Variants in MCTP2 observed in about 807,000 individuals in gnomAD.
MCTP2 encodes multiple C2 and transmembrane domain-containing protein 2.
Under a neutral mutation model 111.6 loss-of-function variants are expected in MCTP2, and 132 were observed. That is an observed-to-expected ratio of 1.18 (90% CI 1.03 to 1.37). The LOEUF is 1.37. Among genes scored for constraint, MCTP2 ranks in the 40% most tolerant of loss-of-function variants. The pLI is 0.00. For missense variants in MCTP2, 1,183 were observed against 1,067.9 expected (o/e 1.11, Z -1.50); for synonymous variants, 395 against 387.7 (o/e 1.02, Z -0.22).
At chr15:94,383,994 T>G (rs773132826) in intron 12 of MCTP2, 28 bp from the exon 13 acceptor site, 87 of 1,500,842 alleles carry the variant, frequency 5.8e-5, no homozygotes, top group African/African-American at 8.2e-5. Context: ...TCACTTGTCT[T>G]TGACCGATGT....
At chr15:94,478,720 C>T (rs1051962725) in intron 22 of MCTP2, among the ~76,000 whole-genome samples, 13 of 152,160 alleles carry the variant, frequency 8.5e-5, no homozygotes, top group Non-Finnish European at 1.2e-4. Flanking sequence ...CAGTGCCCAG[C>T]GAAGGTAGAA....
chr15:94,302,765 C>T (rs2075683428), intron 2 of MCTP2, among the ~76,000 whole-genome samples: 1 of 152,188 alleles, frequency 6.6e-6, no homozygotes, highest in African/African-American at 2.4e-5. Context: ...CTCTTACTTT[C>T]CCTGCTTTTC....
intron 1 of MCTP2, among the ~76,000 whole-genome samples, chr15:94,245,248 A>G (rs1366995591): frequency 1.4e-5 from 2 of 141,496 alleles, no homozygotes; most frequent in African/African-American, 5.1e-5. Context: ...ATATATACAC[A>G]TATGTATATA....
chr15:94,391,383 A>G (rs1053942102), intron 14 of MCTP2, among the ~76,000 whole-genome samples: 1 of 152,204 alleles, frequency 6.6e-6, no homozygotes, highest in African/African-American at 2.4e-5. Flanking sequence ...TGCCCATTAA[A>G]GTAAATAATA....
chr15:94,350,152 G>T (rs2078226377), intron 8 of MCTP2, among the ~76,000 whole-genome samples: 2 of 152,224 alleles, frequency 1.3e-5, no homozygotes, highest in Non-Finnish European at 2.9e-5. Flanking sequence ...AAAGAAAGAT[G>T]CTGGGAACTG....
rs531676885 is a variant in MCTP2 at position 94,445,260 on chromosome 15, C to T, written c.2250+2300C>T. Reference sequence around the variant, plus strand: ...GCATTAGGGTTCTCCTCCTTCCCTCCAGAGAAAGTTTATTCTTAACATGTT... The same window carrying T: ...GCATTAGGGTTCTCCTCCTTCCCTCTAGAGAAAGTTTATTCTTAACATGTT... On this transcript the variant is annotated intron_variant, in intron 19 of 22. Coordinates refer to ENST00000357742, the MANE Select transcript of MCTP2 (RefSeq NM_001385001.1). Among the ~76,000 whole-genome samples, 5 of 152,290 alleles carry T rather than the reference C, an allele frequency of 3.3e-5. No homozygotes were observed. The South Asian group carries it at 1.0e-3, about 32-fold the overall frequency.
At chr15:94,268,180 C>CT (rs371485797) in intron 1 of MCTP2, among the ~76,000 whole-genome samples, 49,660 of 133,520 alleles carry the variant, frequency 0.37, 10,179 homozygotes, top group Admixed American at 0.46. Context: ...TTCATTCTTT[C>CT]TTTCTTTTTT....
chr15:94,384,232 G>GT (rs201208374), intron 13 of MCTP2, 108 bp downstream of exon 13: 4 of 689,402 alleles, frequency 5.8e-6, no homozygotes, highest in South Asian at 3.8e-5. Flanking sequence ...AAATTTTATT[G>GT]TTTTTTTCTT....
At chr15:94,383,883 G>A (rs1596534962) in intron 12 of MCTP2, 139 bp from the exon 13 acceptor site, 1 of 630,204 alleles carries the variant, frequency 1.6e-6, no homozygotes, top group South Asian at 2.0e-5. Context: ...TTCCCACACA[G>A]GGCCTCCATG....
chr15:94,249,573 C>T (rs566499787), intron 1 of MCTP2, among the ~76,000 whole-genome samples: 2 of 152,054 alleles, frequency 1.3e-5, no homozygotes, highest in African/African-American at 4.8e-5. Context: ...GCAACCTCCG[C>T]CTCCTGGGTT....
At chr15:94,404,502 A>G (rs952083673) in intron 17 of MCTP2, among the ~76,000 whole-genome samples, 1 of 151,936 alleles carries the variant, frequency 6.6e-6, no homozygotes. Context: ...GGGTTTCGTC[A>G]TATTGGCCAG....
intron 7 of MCTP2, 49 bp from the exon 8 acceptor site, chr15:94,345,080 C>T (rs1596417798): frequency 6.3e-7 from 1 of 1,599,570 alleles, no homozygotes; most frequent in Non-Finnish European, 8.6e-7. Context: ...TTCTATCTTC[C>T]TCTGTTTTAT....
chr15:94,427,692 A>G (rs1479998452), intron 17 of MCTP2, among the ~76,000 whole-genome samples: 1 of 152,184 alleles, frequency 6.6e-6, no homozygotes, highest in African/African-American at 2.4e-5. Flanking sequence ...CAACAAGGAA[A>G]CAAACAAATA....
At chr15:94,451,863 CA>C (rs951733331) in intron 19 of MCTP2, among the ~76,000 whole-genome samples, 4 of 152,148 alleles carry the variant, frequency 2.6e-5, no homozygotes, top group Non-Finnish European at 4.4e-5. Context: ...TTAAACTAGA[CA>C]AAAGGTTGTT....
chr15:94,242,411 T>A (rs1394868585), intron 1 of MCTP2, among the ~76,000 whole-genome samples: 5 of 152,144 alleles, frequency 3.3e-5, no homozygotes, highest in Admixed American at 3.3e-4. Flanking sequence ...GGATTCTTCG[T>A]AATAAGCAAA....
chr15:94,326,572 C>CTT (rs11291831), intron 4 of MCTP2, among the ~76,000 whole-genome samples: 2 of 145,660 alleles, frequency 1.4e-5, no homozygotes, highest in East Asian at 2.0e-4. Flanking sequence ...ATTATTGTTA[C>CTT]TTTTTTTTTT....
chr15:94,265,860 G>T (rs796499164), intron 1 of MCTP2, among the ~76,000 whole-genome samples: 5 of 152,258 alleles, frequency 3.3e-5, no homozygotes, highest in Admixed American at 1.3e-4. Context: ...TTTAGCAGAA[G>T]CAATGTAATT....
chr15:94,242,239 G>C (rs1289347455), intron 1 of MCTP2, among the ~76,000 whole-genome samples: 3 of 152,122 alleles, frequency 2.0e-5, no homozygotes, highest in African/African-American at 7.2e-5. Flanking sequence ...CCATATATTA[G>C]CTGTGGGACG....
At chr15:94,370,367 T>C (rs370391053) in intron 12 of MCTP2, among the ~76,000 whole-genome samples, 187 bp downstream of exon 12, 20 of 152,326 alleles carry the variant, frequency 1.3e-4, no homozygotes, top group African/African-American at 4.8e-4. Flanking sequence ...ATTTACACAA[T>C]TATTTCTTTC....
Sources: allele counts gnomAD v4.1 joint callset (sites outside exome capture counted in the v4.1 genomes callset), GRCh38; gene constraint gnomAD v4.1.1; transcripts MANE v1.5; gene names NCBI Gene and HGNC (gene_info 2026-07-23, HGNC 2026-07-21).